FSTL4: variants seen among roughly 807,000 people sequenced by gnomAD.
FSTL4 encodes follistatin-related protein 4.
FSTL4 carries 28 observed loss-of-function variants against 78.2 expected under a neutral mutation model. That is an observed-to-expected ratio of 0.36 (90% confidence interval 0.27 to 0.49). FSTL4 has a LOEUF of 0.49. Ranked by LOEUF, FSTL4 falls within the 20% of genes least tolerant of loss-of-function variation. The probability of loss-of-function intolerance (pLI) is 0.98; values close to 1 mark genes in which losing one functional copy is unlikely to be tolerated. For synonymous variants in FSTL4, 422 were observed against 440.5 expected, an observed-to-expected ratio of 0.96 and a Z score of 0.53; for missense variants, 922 against 1,084.9, an observed-to-expected ratio of 0.85 and a Z score of 2.11.
Position 133,370,771 on chromosome 5 carries a change from C to T in FSTL4, c.409+29967G>A, listed in dbSNP as rs772663967. Among the ~76,000 whole-genome samples, 251 of 152,038 alleles carry T rather than the reference C, an allele frequency of 1.7e-3. 2 individuals are homozygous for T. The highest frequency in any genetic ancestry group is 1.4e-3 in the Non-Finnish European group (98 of 67,970). On this transcript the variant is annotated intron_variant, in intron 4 of 15. Coordinates refer to ENST00000265342, the MANE Select transcript of FSTL4 (RefSeq NM_015082.2). ...TGAGTCAGAGGCTCAGGCAGCCTCG[C>T]CCTCAGAGCAGAGGGGGTGGTTTCA...
the FSTL4 span, among the ~76,000 whole-genome samples, chr5:133,775,964 A>C: frequency 1.3e-5 from 2 of 152,176 alleles, no homozygotes; most frequent in African/African-American, 4.8e-5. Flanking sequence ...ACACAAGTAG[A>C]AGCTAATATT....
chr5:133,316,449 C>A lies in FSTL4; in HGVS notation c.603+10G>T, dbSNP rs143759470. The A allele has an allele frequency of 3.7e-6, 6 of 1,606,964 alleles. No individual in the cohort carries two copies. The highest frequency in any genetic ancestry group is 1.3e-5 in the African/African-American group (1 of 74,752). On this transcript the variant is annotated intron_variant, in intron 5 of 15. Coordinates refer to ENST00000265342, the MANE Select transcript of FSTL4 (RefSeq NM_015082.2). ...TCCATCATGTGACTTTCACTGAACACGATGCCCACCTGAGCCAGTTCGGAG... is the reference window on the plus strand; with the variant it reads ...TCCATCATGTGACTTTCACTGAACAAGATGCCCACCTGAGCCAGTTCGGAG...
intron 3 of FSTL4, among the ~76,000 whole-genome samples, chr5:133,417,490 A>G (rs145328577): frequency 3.3e-5 from 5 of 152,364 alleles, no homozygotes; most frequent in Non-Finnish European, 7.3e-5. Context: ...CTAAAAATTT[A>G]CAAAACTGAA....
intron 3 of FSTL4, among the ~76,000 whole-genome samples, chr5:133,533,899 C>T (rs550025546): frequency 6.6e-4 from 101 of 152,226 alleles, no homozygotes; most frequent in African/African-American, 2.4e-3. Flanking sequence ...CCCCCGAGTC[C>T]TTGCTCCTGC....
intron 2 of FSTL4, among the ~76,000 whole-genome samples, chr5:133,592,127 C>T (rs1402140471): frequency 6.6e-6 from 1 of 152,118 alleles, no homozygotes; most frequent in Non-Finnish European, 1.5e-5. Flanking sequence ...GTCTTCCTCT[C>T]CAAGTACCTC....
chr5:133,526,911 C>A (rs940778510), intron 3 of FSTL4, among the ~76,000 whole-genome samples: 1 of 152,146 alleles, frequency 6.6e-6, no homozygotes, highest in Admixed American at 6.5e-5. Context: ...CTCCAAAAGG[C>A]TCTCCGGAGG....
At chr5:133,470,230 G>A (rs1374969263) in intron 3 of FSTL4, among the ~76,000 whole-genome samples, 1 of 152,148 alleles carries the variant, frequency 6.6e-6, no homozygotes, top group African/African-American at 2.4e-5. Flanking sequence ...AACACACAGA[G>A]CAGTACCACA....
chr5:133,630,147 G>A, the FSTL4 span, among the ~76,000 whole-genome samples: 2 of 152,220 alleles, frequency 1.3e-5, no homozygotes, highest in African/African-American at 2.4e-5. Flanking sequence ...TTCTGGCCAG[G>A]GCAATCAGGC....
intron 2 of FSTL4, among the ~76,000 whole-genome samples, chr5:133,589,715 ACGTTGTCTG>A (rs769858060): frequency 6.6e-6 from 1 of 152,082 alleles, no homozygotes; most frequent in Non-Finnish European, 1.5e-5. Context: ...CTCTGATGTG[ACGTTGTCTG>A]CTTTGGCCTT....
At chr5:133,770,766 T>C in the FSTL4 span, among the ~76,000 whole-genome samples, 1 of 152,136 alleles carries the variant, frequency 6.6e-6, no homozygotes, top group Non-Finnish European at 1.5e-5. Flanking sequence ...GTTGTTGTTT[T>C]GTTTGTTTGA....
the FSTL4 span, among the ~76,000 whole-genome samples, chr5:133,798,712 G>A: frequency 1.3e-5 from 2 of 151,952 alleles, no homozygotes; most frequent in African/African-American, 2.4e-5. Context: ...AGGGACAACC[G>A]AAATCTTAGA....
chr5:133,607,114 C>T (rs1452004385), intron 1 of FSTL4, among the ~76,000 whole-genome samples: 2 of 152,182 alleles, frequency 1.3e-5, no homozygotes, highest in African/African-American at 4.8e-5. Context: ...TGAAATACTC[C>T]TGGGCAGCTT....
chr5:133,460,236 T>C (rs1210756356), intron 3 of FSTL4, among the ~76,000 whole-genome samples: 1 of 152,122 alleles, frequency 6.6e-6, no homozygotes, highest in African/African-American at 2.4e-5. Flanking sequence ...TTGTGCGTTT[T>C]GTCCAATTCT....
rs1420924616 is a variant in FSTL4 at position 133,197,062 on chromosome 5, T to A, written c.*2033A>T. ...CTCCTGATTATTTTAAAAGGCCAGT[T>A]TGGGTCAAACTGGTCTTTGACTTAG... is the stretch of plus-strand genomic sequence containing the variant. On this transcript the variant is annotated 3_prime_UTR_variant, in exon 16 of 16. Transcript: ENST00000265342. 1 of 152,158 alleles carries A rather than the reference T, an allele frequency of 6.6e-6. No individual in the cohort carries two copies. Among genetic ancestry groups the A allele is most frequent in the African/African-American group, 2.4e-5 (1 of 41,442 alleles). The allele number at this position is 152,158 out of a possible 1,614,324, so 9.4% of individuals were successfully genotyped here.
At chr5:133,616,310 A>AATCAATCTATCT (rs1554073699), upstream of FSTL4, among the ~76,000 whole-genome samples, 818 of 147,270 alleles carry the variant, frequency 5.6e-3, 8 homozygotes, top group African/African-American at 0.018. Flanking sequence ...TGAAAATCTA[A>AATCAATCTATCT]ATCTATCTAT....
chr5:133,679,415 G>A, the FSTL4 span, among the ~76,000 whole-genome samples: 3 of 152,140 alleles, frequency 2.0e-5, no homozygotes, highest in East Asian at 1.9e-4. Context: ...AGCCTGCCAT[G>A]CTAACTCCTT....
At chr5:133,336,891 C>T (rs1337946322) in intron 4 of FSTL4, among the ~76,000 whole-genome samples, 1 of 152,168 alleles carries the variant, frequency 6.6e-6, no homozygotes, top group African/African-American at 2.4e-5. Flanking sequence ...CACTGTGTAC[C>T]CCGGGGCAGG....
intron 4 of FSTL4, among the ~76,000 whole-genome samples, chr5:133,356,241 T>C (rs180737644): frequency 2.6e-5 from 4 of 152,368 alleles, no homozygotes; most frequent in Admixed American, 2.6e-4. Context: ...TGCTAAGCCC[T>C]GGGGACACCA....
chr5:133,406,586 G>T (rs1296717362), intron 3 of FSTL4, among the ~76,000 whole-genome samples: 1 of 152,198 alleles, frequency 6.6e-6, no homozygotes, highest in African/African-American at 2.4e-5. Context: ...GCTGCGTCAG[G>T]TCCACCTCCA....
Sources: gnomAD v4.1 joint callset for allele counts (sites outside exome capture counted in the v4.1 genomes callset) on GRCh38, gnomAD v4.1.1 for gene constraint, MANE v1.5 for transcripts, NCBI Gene and HGNC (gene_info 2026-07-23, HGNC 2026-07-21) for gene names.